The following FAT3 variants were observed in gnomAD, a reference collection of about 807,000 sequenced individuals.
FAT3 encodes the protein FAT atypical cadherin 3.
Under a neutral mutation model 310.2 loss-of-function variants are expected in FAT3, and 95 were observed. That is an observed-to-expected ratio of 0.31 (90% confidence interval 0.26 to 0.36). The LOEUF (loss-of-function observed/expected upper bound fraction) is 0.36. Ranked by LOEUF, FAT3 falls within the 10% of genes least tolerant of loss-of-function variation. FAT3 has a pLI of 1.00. For synonymous variants in FAT3, 2,314 were observed against 2,192.9 expected, an observed-to-expected ratio of 1.06 and a Z score of -1.54; for missense variants, 5,408 against 5,715.6, an observed-to-expected ratio of 0.95 and a Z score of 1.74.
chr11:92,245,727 T>C (rs1367567612), intron 1 of FAT3, among the ~76,000 whole-genome samples: 4 of 152,136 alleles, frequency 2.6e-5, no homozygotes, highest in African/African-American at 2.4e-5. Context: ...AGGGGCATGG[T>C]TATGTTTGAA....
intron 3 of FAT3, among the ~76,000 whole-genome samples, chr11:92,599,259 A>G (rs1290868279): frequency 6.6e-6 from 1 of 152,148 alleles, no homozygotes; most frequent in East Asian, 1.9e-4. Context: ...GAAACTTACA[A>G]TCATTGTGGA....
At chr11:92,232,543 A>G in intron 1 of FAT3, among the ~76,000 whole-genome samples, 1 of 151,432 alleles carries the variant, frequency 6.6e-6, no homozygotes, top group East Asian at 1.9e-4. Flanking sequence ...TGTTTCACTC[A>G]TTAAAAGCTC....
chr11:92,750,024 A>G (rs1945787849), intron 4 of FAT3, among the ~76,000 whole-genome samples: 1 of 152,220 alleles, frequency 6.6e-6, no homozygotes, highest in Non-Finnish European at 1.5e-5. Context: ...AGAGATGACC[A>G]GCCTATGTAG....
At chr11:92,708,597 G>A (rs1337989488) in intron 4 of FAT3, among the ~76,000 whole-genome samples, 2 of 152,136 alleles carry the variant, frequency 1.3e-5, no homozygotes, top group East Asian at 3.9e-4. Flanking sequence ...AATTTTCCCT[G>A]TGATTCCTGA....
intron 13 of FAT3, among the ~76,000 whole-genome samples, chr11:92,823,679 G>C (rs541738175): frequency 6.6e-6 from 1 of 152,312 alleles, no homozygotes; most frequent in East Asian, 1.9e-4. Flanking sequence ...CCTGGACTCT[G>C]TGACTGATGT....
At chr11:92,704,766 T>C (rs1164561671) in intron 4 of FAT3, among the ~76,000 whole-genome samples, 10 of 152,292 alleles carry the variant, frequency 6.6e-5, no homozygotes, top group Middle Eastern at 3.4e-3. Flanking sequence ...TCAGGCACTT[T>C]AGTCTATGTT....
intron 2 of FAT3, among the ~76,000 whole-genome samples, chr11:92,430,975 G>A (rs1436787573): frequency 6.6e-6 from 1 of 152,156 alleles, no homozygotes; most frequent in East Asian, 1.9e-4. Context: ...AAACATACGT[G>A]TGCATGTGTC....
intron 3 of FAT3, among the ~76,000 whole-genome samples, chr11:92,653,483 A>C (rs1015551981): frequency 2.6e-5 from 4 of 152,160 alleles, no homozygotes; most frequent in Non-Finnish European, 5.9e-5. Context: ...TTACCTTCCT[A>C]CCAAGATGCT....
In FAT3 at chr11:92,471,914, GCTATATAT is replaced by G. The variant is rs1272267769; in HGVS notation, c.3293-52719_3293-52712del. Among the ~76,000 whole-genome samples, 135 of 62,926 alleles carry G rather than the reference GCTATATAT, an allele frequency of 2.1e-3. 1 individual carries two copies. Among genetic ancestry groups the G allele is most frequent in the African/African-American group, 5.9e-3 (124 of 20,902 alleles). The allele number at this position is 62,926 out of a possible 152,430, so 41.3% of individuals were successfully genotyped here. On this transcript the variant is annotated intron_variant, in intron 2 of 27. Coordinates refer to ENST00000525166, the MANE Select transcript of FAT3 (RefSeq NM_001367949.2). ...CTTCAAAAGACCCTACTTTTCATAT[GCTATATAT>G]ATATATATATATATATATATATATA...
At chr11:92,563,738 T>A (rs1362822206) in intron 3 of FAT3, among the ~76,000 whole-genome samples, 2 of 152,250 alleles carry the variant, frequency 1.3e-5, no homozygotes, top group South Asian at 2.1e-4. Context: ...AAATTCAACA[T>A]TCTTAAGGAA....
chr11:92,848,679 T>G (rs7945005), intron 19 of FAT3, among the ~76,000 whole-genome samples: 126,841 of 152,308 alleles, frequency 0.83, 53,127 homozygotes, highest in African/African-American at 0.91. Context: ...TTAAGAAATG[T>G]AATATAGAAT....
At chr11:92,694,570 C>T (rs1591616454) in intron 3 of FAT3, among the ~76,000 whole-genome samples, 1 of 152,172 alleles carries the variant, frequency 6.6e-6, no homozygotes, top group African/African-American at 2.4e-5. Context: ...CCTAAAGAAT[C>T]GCCCTGAGAA....
In FAT3 at chr11:92,878,123, G is replaced by T. The variant is rs75505238; in HGVS notation, c.12128-2608G>T. Among the ~76,000 whole-genome samples, 1,132 of 152,232 alleles carry T rather than the reference G, an allele frequency of 7.4e-3. 15 individuals carry two copies. The highest frequency in any genetic ancestry group is 0.026 in the African/African-American group (1,083 of 41,556). On this transcript the variant is annotated intron_variant, in intron 22 of 27. Coordinates refer to ENST00000525166, the MANE Select transcript of FAT3 (RefSeq NM_001367949.2). Reference sequence around the variant, plus strand: ...TGGCTTATGACTGAGCAGGCTGGCTGGTTGAAAATTCATGTAAGAGTTGAT... The same window carrying T: ...TGGCTTATGACTGAGCAGGCTGGCTTGTTGAAAATTCATGTAAGAGTTGAT...
chr11:92,805,009 AG>A lies in FAT3; in HGVS notation c.8897-141del, dbSNP rs1280431601. The A allele has an allele frequency of 7.7e-5, 53 of 691,132 alleles. No individual in the cohort carries two copies. In the Middle Eastern group the frequency reaches 2.1e-3, roughly 27 times the overall value. 42.8% of individuals were successfully genotyped at this position (691,132 alleles called of 1,614,324 possible). ...TCATGCTTTGTTGCCCAAGAATCAA[AG>A]GGAGTCTCAGTATCTTTGTAGTATC... On this transcript the variant is annotated intron_variant, in intron 10 of 27. Coordinates refer to ENST00000525166, the MANE Select transcript of FAT3 (RefSeq NM_001367949.2).
rs948440128 is a variant in FAT3, at chr11:92,713,013, TA to T, written c.3669+15572del. ...TGAAATCAGCACTCTGACCAATACA[TA>T]AAAGACACTGCACACTGCTTACCAC... On this transcript the variant is annotated intron_variant, in intron 4 of 27. Transcript: ENST00000525166. 4.3e-4 allele frequency among the ~76,000 whole-genome samples: 66 copies of T among 152,250 alleles called. 1 individual carries two copies. Among genetic ancestry groups the T allele is most frequent in the African/African-American group, 1.5e-3 (64 of 41,536 alleles).
chr11:92,349,757 T>C (rs1233273759), intron 1 of FAT3, among the ~76,000 whole-genome samples: 1 of 152,194 alleles, frequency 6.6e-6, no homozygotes, highest in African/African-American at 2.4e-5. Context: ...GAAATTAACT[T>C]CCTTTATAGA....
intron 3 of FAT3, among the ~76,000 whole-genome samples, chr11:92,627,956 G>A (rs1941397577): frequency 6.6e-6 from 1 of 152,210 alleles, no homozygotes; most frequent in South Asian, 2.1e-4. Context: ...CCAGGAGACA[G>A]GTCTGAGTCA....
intron 3 of FAT3, among the ~76,000 whole-genome samples, chr11:92,581,387 C>T (rs1938790239): frequency 6.6e-6 from 1 of 152,034 alleles, no homozygotes; most frequent in East Asian, 1.9e-4. Flanking sequence ...AGACTGATCC[C>T]CCACTGGGGT....
At chr11:92,535,166 T>C (rs1194938454) in intron 3 of FAT3, among the ~76,000 whole-genome samples, 1 of 152,146 alleles carries the variant, frequency 6.6e-6, no homozygotes, top group Non-Finnish European at 1.5e-5. Context: ...TATGCCAAGG[T>C]GCTGTACTTG....
Sources: gnomAD v4.1 joint callset for allele counts (sites outside exome capture counted in the v4.1 genomes callset) on GRCh38, gnomAD v4.1.1 for gene constraint, MANE v1.5 for transcripts, NCBI Gene and HGNC (gene_info 2026-07-23, HGNC 2026-07-21) for gene names.